CEP128: variants seen among roughly 807,000 people sequenced by gnomAD.
The protein encoded by CEP128 is centrosomal protein 128kDa.
Under a neutral mutation model 156.7 loss-of-function variants are expected in CEP128, and 132 were observed. The observed-to-expected ratio is 0.84, with a 90% confidence interval of 0.73 to 0.97. CEP128 has a LOEUF of 0.97. Among genes scored for constraint, CEP128 ranks in the 50% least tolerant of loss-of-function variants. CEP128 has a pLI of 0.00. For missense variants in CEP128, 1,252 were observed against 1,281.9 expected (o/e 0.98, Z 0.36); for synonymous variants, 469 against 448.9 (o/e 1.04, Z -0.57).
At chr14:80,895,612 C>T in intron 8 of CEP128, 106 bp downstream of exon 8, 1 of 658,146 alleles carries the variant, frequency 1.5e-6, no homozygotes, top group Non-Finnish European at 2.4e-6. Context: ...CAAAATGGGA[C>T]ATACCACCCA....
chr14:80,912,215 CAA>C (rs77091923), intron 4 of CEP128, among the ~76,000 whole-genome samples: 3 of 124,468 alleles, frequency 2.4e-5, no homozygotes, highest in East Asian at 2.5e-4. Flanking sequence ...GACTCCACCT[CAA>C]AAAAAAAAAA....
chr14:80,604,996 C>T (rs1212488378), intron 19 of CEP128, among the ~76,000 whole-genome samples: 1 of 152,056 alleles, frequency 6.6e-6, no homozygotes, highest in Admixed American at 6.6e-5. Context: ...CTACCAAGCC[C>T]ATTCAAAGTA....
intron 9 of CEP128, among the ~76,000 whole-genome samples, chr14:80,852,595 C>A (rs1335380810): frequency 2.6e-5 from 4 of 151,696 alleles, no homozygotes; most frequent in Non-Finnish European, 5.9e-5. Flanking sequence ...CTATTTCTAG[C>A]AAGACTTTAA....
rs367678345 is a variant in CEP128, at chr14:80,900,022, C to A, written c.488G>T (p.Gly163Val). ...GAGGTCTCGAAGAGACTGATGAAAA[C>A]CATGAAGCTAGCAAAGGCAAAACAC... ...QETDDMTQLH[G>V]FHQSLRDLSS... The change falls in exon 7 of 25, where the codon GGT becomes GTT. Residue 163 changes from glycine to valine, a missense_variant. Transcript: ENST00000555265. 4 of 1,609,626 alleles carry A rather than the reference C, an allele frequency of 2.5e-6. No individual in the cohort carries two copies. Among genetic ancestry groups the A allele is most frequent in the Non-Finnish European group, 3.4e-6 (4 of 1,177,312 alleles).
intron 9 of CEP128, among the ~76,000 whole-genome samples, chr14:80,858,127 A>C (rs895600485): frequency 1.3e-5 from 2 of 151,932 alleles, no homozygotes; most frequent in East Asian, 1.9e-4. Context: ...GAGGCATCAC[A>C]CTACCTGACT....
intron 19 of CEP128, among the ~76,000 whole-genome samples, chr14:80,636,877 G>T (rs755492199): frequency 6.6e-6 from 1 of 151,880 alleles, no homozygotes; most frequent in African/African-American, 2.4e-5. Context: ...ACCTGAGGTC[G>T]GGAGTTCGAG....
At chr14:80,505,940 G>C (rs1364605368) in intron 23 of CEP128, among the ~76,000 whole-genome samples, 1 of 152,098 alleles carries the variant, frequency 6.6e-6, no homozygotes, top group Non-Finnish European at 1.5e-5. Context: ...AAAGCCTTCA[G>C]GCTTGCAGAA....
At chr14:80,690,204 C>T (rs998149880) in intron 19 of CEP128, among the ~76,000 whole-genome samples, 2 of 145,354 alleles carry the variant, frequency 1.4e-5, no homozygotes, top group African/African-American at 2.6e-5. Flanking sequence ...GTCAGCAGTT[C>T]GAGACCAGCC....
intron 8 of CEP128, among the ~76,000 whole-genome samples, chr14:80,877,061 G>A (rs977863962): frequency 3.9e-5 from 6 of 152,098 alleles, no homozygotes; most frequent in African/African-American, 1.4e-4. Flanking sequence ...ATGGAGTTGA[G>A]GTGCTATAAG....
chr14:80,571,083 C>T (rs756307846), intron 20 of CEP128, among the ~76,000 whole-genome samples: 5 of 152,118 alleles, frequency 3.3e-5, no homozygotes, highest in African/African-American at 7.2e-5. Flanking sequence ...AATACCACTG[C>T]GGAAACAGCA....
intron 19 of CEP128, among the ~76,000 whole-genome samples, chr14:80,612,241 T>C (rs186306475): frequency 6.6e-6 from 1 of 152,168 alleles, no homozygotes; most frequent in Non-Finnish European, 1.5e-5. Context: ...ATTCTTTTAT[T>C]GTCTCTGAAG....
rs762569214 is a variant in CEP128, at chr14:80,560,373, T to TCAGAGGTTGCA, written c.2857-1072_2857-1071insTGCAACCTCTG. Among the ~76,000 whole-genome samples, 1,467 of 152,178 alleles carry TCAGAGGTTGCA rather than the reference T, an allele frequency of 9.6e-3. 13 individuals are homozygous for TCAGAGGTTGCA. Among genetic ancestry groups the TCAGAGGTTGCA allele is most frequent in the Middle Eastern group, 0.017 (5 of 294 alleles). On this transcript the variant is annotated intron_variant, in intron 20 of 24. Transcript: ENST00000555265. ...CCAGGAATCAGAGGTTGCAGTGAAC[T>TCAGAGGTTGCA]GAGATCAAGCCACTGCACTCCAGCC...
intron 19 of CEP128, among the ~76,000 whole-genome samples, chr14:80,710,163 G>C (rs986616287): frequency 6.6e-6 from 1 of 152,006 alleles, no homozygotes; most frequent in East Asian, 1.9e-4. Context: ...ATGAAATCAT[G>C]CCATAAATTG....
intron 3 of CEP128, among the ~76,000 whole-genome samples, chr14:80,915,181 ATT>A (rs34851909): frequency 6.7e-6 from 1 of 148,290 alleles, no homozygotes; most frequent in East Asian, 2.0e-4. Context: ...GCCCAGCTAA[ATT>A]TTTTTTTTTT....
chr14:80,532,293 A>C (rs1594956844), intron 21 of CEP128, among the ~76,000 whole-genome samples: 1 of 152,062 alleles, frequency 6.6e-6, no homozygotes, highest in Non-Finnish European at 1.5e-5. Flanking sequence ...TCCTGGGCTC[A>C]AGGGATCCTC....
intron 20 of CEP128, among the ~76,000 whole-genome samples, chr14:80,565,789 G>A (rs758032259): frequency 7.9e-5 from 12 of 152,112 alleles, no homozygotes; most frequent in Non-Finnish European, 1.3e-4. Context: ...CAGCCACATC[G>A]ATTCATCCAT....
intron 19 of CEP128, among the ~76,000 whole-genome samples, chr14:80,645,583 G>A (rs1894599659): frequency 1.3e-5 from 2 of 152,126 alleles, no homozygotes; most frequent in African/African-American, 4.8e-5. Flanking sequence ...AGCTGGTGAG[G>A]ATGTGGAGCA....
chr14:80,955,298 AG>A, intron 2 of CEP128: 2 of 336,030 alleles, frequency 6.0e-6, no homozygotes, highest in East Asian at 5.6e-5. Flanking sequence ...GGAGGAAAGG[AG>A]GGGGCATCTA....
chr14:80,722,429 C>G (rs2060595), intron 19 of CEP128, among the ~76,000 whole-genome samples: 9,930 of 152,070 alleles, frequency 0.065, 1,073 homozygotes, highest in African/African-American at 0.23. Flanking sequence ...AAAATCATCT[C>G]TGTTCTTTGG....
Sources: gnomAD v4.1 joint callset for allele counts (sites outside exome capture counted in the v4.1 genomes callset) on GRCh38, gnomAD v4.1.1 for gene constraint, MANE v1.5 for transcripts, NCBI Gene and HGNC (gene_info 2026-07-23, HGNC 2026-07-21) for gene names.